The following SMG6 variants were observed in gnomAD, a reference collection of about 807,000 sequenced individuals.
SMG6 encodes telomerase-binding protein EST1A.
A neutral mutation model predicts 142.2 loss-of-function variants in SMG6; 66 were observed. That is an observed-to-expected ratio of 0.46 (90% CI 0.38 to 0.57). SMG6 has a LOEUF of 0.57. Among genes scored for constraint, SMG6 ranks in the 20% least tolerant of loss-of-function variants. The pLI, the probability that SMG6 is intolerant of heterozygous loss-of-function variation, is 0.00. For synonymous variants in SMG6, 779 were observed against 702.4 expected, an observed-to-expected ratio of 1.11 and a Z score of -1.72; for missense variants, 1,793 against 1,832.0, an observed-to-expected ratio of 0.98 and a Z score of 0.39.
intron 2 of SMG6, 69 bp downstream of exon 2, chr17:2,298,837 C>G: frequency 1.4e-6 from 2 of 1,461,046 alleles, no homozygotes; most frequent in South Asian, 2.7e-5. Flanking sequence ...CTACCTTCCT[C>G]AGCCATAGCA....
At chr17:2,285,732 G>A (rs2074890940) in intron 6 of SMG6, among the ~76,000 whole-genome samples, 1 of 152,114 alleles carries the variant, frequency 6.6e-6, no homozygotes, top group East Asian at 1.9e-4. Context: ...GGAGTGCAGT[G>A]GCATGATCTC....
At chr17:2,180,003 A>G (rs987007565) in intron 12 of SMG6, among the ~76,000 whole-genome samples, 1 of 152,216 alleles carries the variant, frequency 6.6e-6, no homozygotes, top group Non-Finnish European at 1.5e-5. Flanking sequence ...AGAAATCAGG[A>G]TAAGTGAAGA....
chr17:2,136,758 A>G (rs2070317984), intron 13 of SMG6, among the ~76,000 whole-genome samples: 1 of 151,920 alleles, frequency 6.6e-6, no homozygotes, highest in Non-Finnish European at 1.5e-5. Context: ...TTTTGTCTAA[A>G]GACACCAGAA....
intron 13 of SMG6, among the ~76,000 whole-genome samples, chr17:2,137,231 G>C (rs182358901): frequency 4.6e-5 from 7 of 152,136 alleles, no homozygotes; most frequent in Non-Finnish European, 7.3e-5. Context: ...ACGCTTCTTG[G>C]TACAGGTTAC....
At chr17:2,069,954 G>A (rs532362711) in intron 15 of SMG6, among the ~76,000 whole-genome samples, 26 of 152,180 alleles carry the variant, frequency 1.7e-4, no homozygotes, top group Non-Finnish European at 3.1e-4. Context: ...ACCATATCGT[G>A]GTACTAAGCA....
chr17:2,205,607 A>G (rs2072654600), intron 10 of SMG6, among the ~76,000 whole-genome samples: 3 of 152,322 alleles, frequency 2.0e-5, no homozygotes, highest in African/African-American at 7.2e-5. Flanking sequence ...TGTCAGGCAA[A>G]GCAAAAGAGG....
At chr17:2,290,120 C>T (rs2074999307) in intron 6 of SMG6, among the ~76,000 whole-genome samples, 1 of 151,866 alleles carries the variant, frequency 6.6e-6, no homozygotes, top group African/African-American at 2.4e-5. Context: ...TGGATACCAA[C>T]AAAGTGATTC....
intron 13 of SMG6, among the ~76,000 whole-genome samples, chr17:2,113,078 G>C (rs1157079491): frequency 6.6e-6 from 1 of 151,526 alleles, no homozygotes; most frequent in East Asian, 1.9e-4. Flanking sequence ...TTTTTTAAGA[G>C]ACAGAGTCTT....
chr17:2,186,454 G>A (rs951294658), intron 12 of SMG6, among the ~76,000 whole-genome samples: 2 of 152,140 alleles, frequency 1.3e-5, no homozygotes, highest in Non-Finnish European at 2.9e-5. Context: ...GAGAGTGTGA[G>A]AGGAGGGGGA....
rs2075239237 is a variant in SMG6 at position 2,299,978 on chromosome 17, T to C, written c.775A>G (p.Thr259Ala). The change falls in exon 2 of 19, where the codon ACC (threonine) becomes GCC (alanine). Residue 259 changes from threonine to alanine, a missense_variant. By Grantham distance (58) the Thr-to-Ala change is moderately conservative (BLOSUM62 0). Coordinates refer to ENST00000263073, the MANE Select transcript of SMG6 (RefSeq NM_017575.5). This position sits in a 1 kb window ranked among gnomAD's most constrained non-coding sequence, Gnocchi z 4.3. Reference protein sequence around the residue: ...KRRNRYRTRSTSSAGSNNSAE... With the variant: ...KRRNRYRTRSASSAGSNNSAE... The stretch of plus-strand genomic sequence containing the variant: ...CTGTTGTTGCTGCCAGCTGAGCTGG[T>C]GCTGCGCGTGCGGTAGCGATTCCTT... 1.9e-6 allele frequency: 3 copies of C among 1,614,012 alleles called. No homozygotes were observed. The highest frequency in any genetic ancestry group is 1.3e-5 in the African/African-American group (1 of 74,952).
rs780433356 is a variant in SMG6 at position 2,300,240 on chromosome 17, C to G, written c.513G>C (p.Gln171His). 2.5e-6 allele frequency: 4 copies of G among 1,614,092 alleles called. No individual in the cohort carries two copies. The highest frequency in any genetic ancestry group is 3.3e-4 in the Middle Eastern group (2 of 6,084). The stretch of plus-strand genomic sequence containing the variant: ...CTTCCTCTACTCTCAGTTGTTCTAC[C>G]TGGTTGAGGACTTCTTCCTCCTCCA... ...SRVEEEEVLN[Q>H]VEQLRVEEDE... Residue 171 changes from glutamine (Q) to histidine (H), a missense_variant, in exon 2 of 19, where the codon CAG becomes CAC. Coordinates refer to ENST00000263073, the MANE Select transcript of SMG6 (RefSeq NM_017575.5).
intron 8 of SMG6, among the ~76,000 whole-genome samples, chr17:2,280,916 C>T (rs1057106141): frequency 6.6e-6 from 1 of 152,110 alleles, no homozygotes; most frequent in Non-Finnish European, 1.5e-5. Flanking sequence ...TCCATCGCTA[C>T]AAAAAATTAG....
At chr17:2,127,704 G>T in intron 13 of SMG6, 1 of 566,758 alleles carries the variant, frequency 1.8e-6, no homozygotes, top group South Asian at 1.4e-5. Context: ...TATCTGTTCG[G>T]ACTTTAATCA....
chr17:2,121,358 G>A (rs1435627914), intron 13 of SMG6, among the ~76,000 whole-genome samples: 1 of 151,970 alleles, frequency 6.6e-6, no homozygotes, highest in Non-Finnish European at 1.5e-5. Flanking sequence ...CAACACAGAG[G>A]AATCTCAAAA....
chr17:2,256,635 C>T (rs2074186640), intron 8 of SMG6, among the ~76,000 whole-genome samples: 1 of 152,106 alleles, frequency 6.6e-6, no homozygotes, highest in Non-Finnish European at 1.5e-5. Context: ...ATCAGCCACG[C>T]ATGGTGGCGC....
intron 13 of SMG6, among the ~76,000 whole-genome samples, chr17:2,123,666 A>C (rs1358535424): frequency 6.6e-6 from 1 of 152,200 alleles, no homozygotes; most frequent in Non-Finnish European, 1.5e-5. Context: ...GCTCTCTCCC[A>C]GGGAAGAGAA....
At chr17:2,224,400 A>G (rs2073258556) in intron 10 of SMG6, among the ~76,000 whole-genome samples, 1 of 152,226 alleles carries the variant, frequency 6.6e-6, no homozygotes. Context: ...AACCATAAAG[A>G]AAGTCAAAGC....
intron 9 of SMG6, 175 bp from the exon 10 acceptor site, chr17:2,236,812 C>A (rs2073674578): frequency 1.5e-6 from 2 of 1,301,978 alleles, no homozygotes; most frequent in South Asian, 2.6e-5. Context: ...CGGTATCCTG[C>A]AATTTTGAAC....
chr17:2,113,301 CCTG>C (rs1207857102), intron 13 of SMG6, among the ~76,000 whole-genome samples: 1 of 152,078 alleles, frequency 6.6e-6, no homozygotes, highest in Non-Finnish European at 1.5e-5. Flanking sequence ...GACTCGAACT[CCTG>C]GGCTCAAGTG....
Sources: allele counts gnomAD v4.1 joint callset (sites outside exome capture counted in the v4.1 genomes callset), GRCh38; gene constraint gnomAD v4.1.1; non-coding constraint Gnocchi (gnomAD v3.1); transcripts MANE v1.5; gene names NCBI Gene and HGNC (gene_info 2026-07-23, HGNC 2026-07-21).